EDIL3: variants seen among roughly 807,000 people sequenced by gnomAD.
The protein encoded by EDIL3 is EGF like and discoidin domains 3.
A neutral mutation model predicts 67.4 loss-of-function variants in EDIL3; 37 were observed. The ratio of observed to expected loss-of-function variants is 0.55; its 90% CI spans 0.42 to 0.72. EDIL3 has a LOEUF of 0.72. Among genes scored for constraint, EDIL3 ranks in the 30% least tolerant of loss-of-function variants. The pLI, the probability that EDIL3 is intolerant of heterozygous loss-of-function variation, is 0.00. For missense variants in EDIL3, 527 were observed against 586.3 expected, an observed-to-expected ratio of 0.90 and a Z score of 1.04; for synonymous variants, 195 against 196.3, an observed-to-expected ratio of 0.99 and a Z score of 0.05.
At chr5:84,179,959 G>A (rs1304329983) in intron 4 of EDIL3, among the ~76,000 whole-genome samples, 1 of 151,328 alleles carries the variant, frequency 6.6e-6, no homozygotes, top group South Asian at 2.1e-4. Context: ...ATGCCAACAT[G>A]TAAGAAGGAG....
At chr5:84,006,347 AC>A (rs1745415696) in intron 9 of EDIL3, among the ~76,000 whole-genome samples, 1 of 90,518 alleles carries the variant, frequency 1.1e-5, no homozygotes, top group Non-Finnish European at 2.0e-5. Flanking sequence ...CAGCCATAAA[AC>A]AAAACAAAAC....
chr5:84,125,180 G>C (rs1209102964), intron 5 of EDIL3, among the ~76,000 whole-genome samples: 3 of 151,950 alleles, frequency 2.0e-5, no homozygotes, highest in Non-Finnish European at 4.4e-5. Context: ...ATACAAACTT[G>C]AAAATAGTCC....
rs547292469 is a variant in EDIL3 at position 83,993,330 on chromosome 5, G to T, written c.1138-29970C>A. Among the ~76,000 whole-genome samples, 241 of 152,208 alleles carry T rather than the reference G, an allele frequency of 1.6e-3. 1 individual carries two copies. Among genetic ancestry groups the T allele is most frequent in the African/African-American group, 5.6e-3 (233 of 41,532 alleles). On this transcript the variant is annotated intron_variant, in intron 9 of 10. Transcript: ENST00000296591. ...TGGGATTACAGACAAAAGCCACTGT[G>T]CCTGGCCAAGGCAATATTTCTTGAC...
intron 9 of EDIL3, among the ~76,000 whole-genome samples, chr5:83,978,954 A>G (rs1018201138): frequency 3.3e-5 from 5 of 152,146 alleles, no homozygotes; most frequent in African/African-American, 1.2e-4. Flanking sequence ...ACATTTTACT[A>G]TATTAAAATG....
In EDIL3 at chr5:83,953,061, A is replaced by G. The variant is rs1580249765; in HGVS notation, c.1294-9493T>C. 5.3e-5 allele frequency among the ~76,000 whole-genome samples: 8 copies of G among 151,894 alleles called. No individual in the cohort carries two copies. In the South Asian group the frequency reaches 1.7e-3, roughly 32 times the overall value. On this transcript the variant is annotated intron_variant, in intron 10 of 10. Transcript: ENST00000296591. ...AAGCAGGGTGCCTAGGTGTGAGCGT[A>G]AGCATGTATTGCCTAGGCACAGAAA...
At chr5:83,995,489 C>T (rs1448972811) in intron 9 of EDIL3, among the ~76,000 whole-genome samples, 1 of 152,124 alleles carries the variant, frequency 6.6e-6, no homozygotes, top group Non-Finnish European at 1.5e-5. Flanking sequence ...ATTAAAACTG[C>T]TGAGTCGTTG....
At chr5:84,049,009 T>C (rs2112222026) in intron 9 of EDIL3, among the ~76,000 whole-genome samples, 1 of 152,280 alleles carries the variant, frequency 6.6e-6, no homozygotes, top group Admixed American at 6.5e-5. Flanking sequence ...ATCTTTCTGT[T>C]GAAAGCCAGT....
intron 7 of EDIL3, 82 bp from the exon 8 acceptor site, chr5:84,064,926 G>GAAAAT: frequency 1.4e-6 from 2 of 1,420,796 alleles, no homozygotes; most frequent in Non-Finnish European, 1.9e-6. Context: ...ATACCTTATC[G>GAAAAT]AAAATAATTG....
Position 84,254,321 on chromosome 5 carries a change from G to T in EDIL3, c.68-109C>A, listed in dbSNP as rs1745088249. On this transcript the variant is annotated intron_variant, in intron 1 of 10. Coordinates refer to ENST00000296591, the MANE Select transcript of EDIL3 (RefSeq NM_005711.5). ...TCCCTTGGCAAAGTCAAAAGTCAGGGTAATATTAAGATTCACACATAAGAT... is the reference window on the plus strand; with the variant it reads ...TCCCTTGGCAAAGTCAAAAGTCAGGTTAATATTAAGATTCACACATAAGAT... 1.4e-5 allele frequency: 17 copies of T among 1,234,666 alleles called. No homozygotes were observed. The South Asian group carries it at 2.9e-4, about 21-fold the overall frequency. 76.5% of individuals were successfully genotyped at this position (1,234,666 alleles called of 1,614,324 possible).
intron 1 of EDIL3, among the ~76,000 whole-genome samples, chr5:84,363,764 A>T (rs1747667991): frequency 6.6e-6 from 1 of 152,184 alleles, no homozygotes; most frequent in Non-Finnish European, 1.5e-5. Flanking sequence ...TCTTGACTGT[A>T]TAAATTTGTA....
chr5:84,115,216 G>T (rs1001974052), intron 5 of EDIL3, among the ~76,000 whole-genome samples: 6 of 152,112 alleles, frequency 3.9e-5, no homozygotes, highest in Non-Finnish European at 8.8e-5. Flanking sequence ...AGCTCTTGGA[G>T]GTAGGGGAAA....
intron 6 of EDIL3, among the ~76,000 whole-genome samples, chr5:84,094,525 T>G (rs956635818): frequency 6.6e-6 from 1 of 151,726 alleles, no homozygotes; most frequent in Admixed American, 6.6e-5. Flanking sequence ...AAAAAAAAAA[T>G]CTACTTCTTA....
chr5:84,242,571 G>A (rs1293771424), intron 2 of EDIL3, among the ~76,000 whole-genome samples: 3 of 152,054 alleles, frequency 2.0e-5, no homozygotes, highest in African/African-American at 4.8e-5. Flanking sequence ...GCTGAGGTGG[G>A]CGGATTGCTT....
chr5:83,958,327 A>C (rs897989357), intron 10 of EDIL3, among the ~76,000 whole-genome samples: 1 of 151,510 alleles, frequency 6.6e-6, no homozygotes, highest in African/African-American at 2.4e-5. Flanking sequence ...AGCTCTCCTC[A>C]TGAGTGCCAT....
intron 4 of EDIL3, among the ~76,000 whole-genome samples, chr5:84,140,931 T>C (rs1188100750): frequency 6.6e-6 from 1 of 152,154 alleles, no homozygotes; most frequent in Non-Finnish European, 1.5e-5. Context: ...CTATTTGCAC[T>C]GTAATTAACA....
intron 1 of EDIL3, among the ~76,000 whole-genome samples, chr5:84,371,359 A>ATG (rs1561271584): frequency 7.7e-6 from 1 of 129,778 alleles, no homozygotes. Flanking sequence ...GTGTATATAT[A>ATG]TGTGTGTATA....
At chr5:84,214,541 G>A (rs1169992275) in intron 3 of EDIL3, among the ~76,000 whole-genome samples, 1 of 151,914 alleles carries the variant, frequency 6.6e-6, no homozygotes, top group East Asian at 1.9e-4. Context: ...ATATCTGGTT[G>A]CTTGAATACC....
chr5:84,337,427 T>C (rs1049933600), intron 1 of EDIL3, among the ~76,000 whole-genome samples: 3 of 152,120 alleles, frequency 2.0e-5, no homozygotes, highest in Non-Finnish European at 2.9e-5. Flanking sequence ...CAAATGGTAG[T>C]TACATCCTCA....
chr5:84,049,003 T>C (rs1485886762), intron 9 of EDIL3, among the ~76,000 whole-genome samples: 1 of 152,192 alleles, frequency 6.6e-6, no homozygotes, highest in East Asian at 1.9e-4. Flanking sequence ...AAATTAATCT[T>C]TCTGTTGAAA....
Sources: allele counts gnomAD v4.1 joint callset (sites outside exome capture counted in the v4.1 genomes callset), GRCh38; gene constraint gnomAD v4.1.1; transcripts MANE v1.5; gene names NCBI Gene and HGNC (gene_info 2026-07-23, HGNC 2026-07-21).